SIN3A: variants seen among roughly 807,000 people sequenced by gnomAD.
The protein encoded by SIN3A is SIN3 transcription regulator family member A.
SIN3A carries 14 observed loss-of-function variants against 146.1 expected under a neutral mutation model. That is an observed-to-expected ratio of 0.10 (90% CI 0.06 to 0.15). SIN3A has a LOEUF of 0.15. SIN3A is among the 10% of genes least tolerant of loss of function. The probability of loss-of-function intolerance (pLI) is 1.00; values close to 1 mark genes in which losing one functional copy is unlikely to be tolerated. For synonymous variants in SIN3A, 572 were observed against 572.0 expected, an observed-to-expected ratio of 1.00 and a Z score of 0.00; for missense variants, 1,028 against 1,576.0, an observed-to-expected ratio of 0.65 and a Z score of 5.89.
Position 75,372,169 on chromosome 15 carries a change from T to G in SIN3A, c.3632A>C (p.Gln1211Pro). The part of the protein sequence containing the change: ...RVSKRLHQRF[Q>P]AWVDKWTKEH... The stretch of plus-strand genomic sequence containing the variant: ...CTTGGTCCATTTATCTACCCAGGCC[T>G]GGAATCTCTGATGTAGACGCTTGCT... Residue 1211 changes from glutamine to proline, a missense_variant, in exon 21 of 21, where the codon CAG becomes CCG. Gln to Pro is a moderately conservative substitution (Grantham distance 76). Coordinates refer to ENST00000394947, the MANE Select transcript of SIN3A (RefSeq NM_001145358.2). 6.2e-7 allele frequency: 1 copy of G among 1,613,586 alleles called. No individual in the cohort carries two copies. The highest frequency in any genetic ancestry group is 8.5e-7 in the Non-Finnish European group (1 of 1,179,710).
At chr15:75,390,335 T>C (rs1595893465) in intron 15 of SIN3A, among the ~76,000 whole-genome samples, 1 of 152,242 alleles carries the variant, frequency 6.6e-6, no homozygotes, top group Non-Finnish European at 1.5e-5. Context: ...AAATCCTTTA[T>C]GAATAATGAA....
chr15:75,444,374 G>C (rs1221121373), intron 1 of SIN3A, among the ~76,000 whole-genome samples: 1 of 152,100 alleles, frequency 6.6e-6, no homozygotes, highest in Non-Finnish European at 1.5e-5. Flanking sequence ...CCAGGAGGCG[G>C]AGGTTGCAGT....
At chr15:75,413,701 G>A (rs997179026) in intron 4 of SIN3A, among the ~76,000 whole-genome samples, 17 of 151,702 alleles carry the variant, frequency 1.1e-4, no homozygotes, top group Non-Finnish European at 2.2e-4. Context: ...CCGCCACCAT[G>A]CCCGGCTAAT....
Position 75,430,344 on chromosome 15 carries a change from G to A in SIN3A, c.32C>T (p.Pro11Leu), listed in dbSNP as rs1420912806. Residue 11 changes from proline (P) to leucine (L), a missense_variant, in exon 2 of 21, where the codon CCG becomes CTG. Around this residue, in one of 9 missense-constraint regions of SIN3A, gnomAD observed 152 missense variants for 231.5 expected, o/e 0.66. Transcript: ENST00000394947. ...CCGACGCTGCTGGGCTGCATACACC[G>A]GTGACTCCTGGTCATCCAAACGCCG... The part of the protein sequence containing the change: MKRRLDDQES[P>L]VYAAQQRRIP... 14 of 1,613,260 alleles carry A rather than the reference G, an allele frequency of 8.7e-6. No individual in the cohort carries two copies. The highest frequency in any genetic ancestry group is 2.2e-5 in the East Asian group (1 of 44,886).
At chr15:75,417,248 A>T (rs1425855498) in intron 3 of SIN3A, among the ~76,000 whole-genome samples, 2 of 152,108 alleles carry the variant, frequency 1.3e-5, no homozygotes, top group East Asian at 3.8e-4. Context: ...GGTGTTTCCT[A>T]TTTACTCTGA....
chr15:75,401,698 G>A (rs1329310021), intron 10 of SIN3A, among the ~76,000 whole-genome samples, 154 bp downstream of exon 10: 1 of 152,122 alleles, frequency 6.6e-6, no homozygotes, highest in African/African-American at 2.4e-5. Context: ...TCTAGAGCTG[G>A]ACTAGAAGAC....
Position 75,372,229 on chromosome 15 carries a change from A to AT in SIN3A, c.3592-21_3592-20insA. On this transcript the variant is annotated intron_variant, in intron 20 of 20. Transcript: ENST00000394947. Reference sequence around the variant, plus strand: ...ATGGGACTGCAAAACAGAAAAAAAAAATTTTATTAAATGAAGCAGAACCAA... The same window carrying AT: ...ATGGGACTGCAAAACAGAAAAAAAAATATTTTATTAAATGAAGCAGAACCAA... 2.6e-6 allele frequency: 4 copies of AT among 1,517,956 alleles called. No homozygotes were observed. The highest frequency in any genetic ancestry group is 2.2e-5 in the Admixed American group (1 of 45,076). 94.0% of individuals were successfully genotyped at this position (1,517,956 alleles called of 1,614,324 possible). A position where few individuals can be genotyped will look rare whatever the true frequency, so the allele number is the denominator to read the frequency against.
rs575812760 is a variant in SIN3A at position 75,434,755 on chromosome 15, C to A, written c.-33-4347G>T. On this transcript the variant is annotated intron_variant, in intron 1 of 20. Coordinates refer to ENST00000394947, the MANE Select transcript of SIN3A (RefSeq NM_001145358.2). ...CCTGACGTCGGGAGTTTGAGACCAG[C>A]CTGATCAACATGGAGAAACTCTGTC... is the stretch of plus-strand genomic sequence containing the variant. Among the ~76,000 whole-genome samples the A allele has an allele frequency of 1.2e-4, 18 of 151,872 alleles. 1 individual carries two copies. In the South Asian group the frequency reaches 3.5e-3, roughly 30 times the overall value.
At chr15:75,419,862 TC>T (rs1477834345) in intron 3 of SIN3A, 1 of 152,028 alleles carries the variant, frequency 6.6e-6, no homozygotes, top group African/African-American at 2.4e-5. Context: ...TATAGAATAA[TC>T]CTATGCTTTA....
intron 1 of SIN3A, among the ~76,000 whole-genome samples, chr15:75,435,414 T>C (rs1024526476): frequency 1.3e-5 from 2 of 152,198 alleles, no homozygotes; most frequent in Non-Finnish European, 2.9e-5. Context: ...AACAGCAGGC[T>C]AGGCCGGATG....
intron 12 of SIN3A, among the ~76,000 whole-genome samples, 171 bp downstream of exon 12, chr15:75,399,869 T>C (rs867190325): frequency 1.3e-5 from 2 of 152,252 alleles, no homozygotes; most frequent in Non-Finnish European, 2.9e-5. Flanking sequence ...CATGTACTAA[T>C]ATATACATTT....
chr15:75,431,013 T>A (rs903759378), intron 1 of SIN3A, among the ~76,000 whole-genome samples: 1 of 152,110 alleles, frequency 6.6e-6, no homozygotes, highest in African/African-American at 2.4e-5. Flanking sequence ...CCTGACCTTG[T>A]GATCCATCCG....
Position 75,396,290 on chromosome 15 carries a change from A to G in SIN3A, c.2061T>C (p.Asn687=). The G allele has an allele frequency of 6.2e-7, 1 of 1,614,062 alleles. No individual in the cohort carries two copies. The highest frequency in any genetic ancestry group is 8.5e-7 in the Non-Finnish European group (1 of 1,179,928). Reference sequence around the variant, plus strand: ...GGACAATTGGAACAGCAATGGAGGGATTCTTTCTCAGACCATCAATGATGT... The same window carrying G: ...GGACAATTGGAACAGCAATGGAGGGGTTCTTTCTCAGACCATCAATGATGT... ...AADIIDGLRK[N]PSIAVPIVLK... is the part of the protein sequence containing the mutation. Residue 687 remains asparagine, a synonymous_variant, in exon 13 of 21, where the codon AAT becomes AAC. Coordinates refer to ENST00000394947, the MANE Select transcript of SIN3A (RefSeq NM_001145358.2).
In SIN3A at chr15:75,430,381, G is replaced by A; in HGVS notation, c.-6C>T. ...TCATCCAAACGCCGCTTCATTCTGT[G>A]CTCATGCTCAGGGATGCACTACAAA... On this transcript the variant is annotated 5_prime_UTR_variant, in exon 2 of 21. Coordinates refer to ENST00000394947, the MANE Select transcript of SIN3A (RefSeq NM_001145358.2). 1 of 1,602,990 alleles carries A rather than the reference G, an allele frequency of 6.2e-7. No individual in the cohort carries two copies. The highest frequency in any genetic ancestry group is 1.1e-5 in the South Asian group (1 of 89,610).
chr15:75,386,146 C>T (rs2073071984), intron 16 of SIN3A, among the ~76,000 whole-genome samples: 1 of 152,228 alleles, frequency 6.6e-6, no homozygotes, highest in Non-Finnish European at 1.5e-5. Flanking sequence ...ATACCTCAGC[C>T]TCTTAAGTAG....
chr15:75,410,838 C>T (rs1015321440), intron 6 of SIN3A, among the ~76,000 whole-genome samples: 1 of 142,854 alleles, frequency 7.0e-6, no homozygotes. Context: ...TCACCTGAGA[C>T]CAGCCTGGCC....
chr15:75,405,878 G>C (rs1010029591), intron 9 of SIN3A, among the ~76,000 whole-genome samples: 1 of 152,016 alleles, frequency 6.6e-6, no homozygotes, highest in Admixed American at 6.6e-5. Context: ...CCCTTTTCTT[G>C]ACATTTATTG....
chr15:75,375,250 C>G (rs1056595815), intron 20 of SIN3A, among the ~76,000 whole-genome samples: 3 of 152,094 alleles, frequency 2.0e-5, no homozygotes, highest in Non-Finnish European at 4.4e-5. Flanking sequence ...AGTCCTAGCC[C>G]CCAGTACTTC....
chr15:75,427,161 C>G (rs572914436), intron 2 of SIN3A, among the ~76,000 whole-genome samples: 1 of 149,462 alleles, frequency 6.7e-6, no homozygotes, highest in African/African-American at 2.5e-5. Flanking sequence ...TCACTTAAAA[C>G]CAGGAGTTTA....
Sources: gnomAD v4.1 joint callset for allele counts (sites outside exome capture counted in the v4.1 genomes callset) on GRCh38, gnomAD v4.1.1 for gene constraint, gnomAD v4.1.1 regional missense constraint, MANE v1.5 for transcripts, NCBI Gene and HGNC (gene_info 2026-07-23, HGNC 2026-07-21) for gene names.